Variants in COL4A3 observed in about 807,000 individuals in gnomAD.
COL4A3 encodes the protein collagen type IV alpha 3 chain, also known as collagen alpha-3(IV) chain.
A neutral mutation model predicts 217.4 loss-of-function variants in COL4A3; 135 were observed. The observed-to-expected ratio is 0.62, with a 90% CI of 0.54 to 0.72. COL4A3 has a LOEUF of 0.72. Among genes scored for constraint, COL4A3 ranks in the 30% least tolerant of loss-of-function variants. The probability of loss-of-function intolerance (pLI) is 0.00; values close to 1 mark genes in which losing one functional copy is unlikely to be tolerated. For synonymous variants in COL4A3, 690 were observed against 736.3 expected (o/e 0.94, Z 1.02); for missense variants, 1,868 against 2,119.9 (o/e 0.88, Z 2.33).
intron 21 of COL4A3, among the ~76,000 whole-genome samples, chr2:227,265,694 T>C (rs549726830): frequency 6.6e-6 from 1 of 152,286 alleles, no homozygotes; most frequent in East Asian, 1.9e-4. Flanking sequence ...ATCAGGAAAA[T>C]ACAATGTATC....
chr2:227,303,591 C>T (rs1190268723), intron 44 of COL4A3, among the ~76,000 whole-genome samples: 1 of 152,178 alleles, frequency 6.6e-6, no homozygotes, highest in Non-Finnish European at 1.5e-5. Flanking sequence ...CTTAGGGACC[C>T]TTCCCCTTCA....
chr2:227,276,409 C>G lies in COL4A3; in HGVS notation c.1952C>G (p.Ser651Ter), dbSNP rs1042357811. Residue 651 changes from serine to a stop codon, truncating the protein, a stop_gained, in exon 27 of 52, where the codon TCA becomes TGA. Transcript: ENST00000396578. LOFTEE classifies it high-confidence loss of function. ...EAGPRGELSV[S>*]TPVPGPPGPP... ...GGCCCTAGGGGAGAGCTCAGTGTTT[C>G]AACACCAGTTCCAGGCCCACCAGGA... is the stretch of plus-strand genomic sequence containing the variant. 1 of 1,614,026 alleles carries G rather than the reference C, an allele frequency of 6.2e-7. No homozygotes were observed. Among genetic ancestry groups the G allele is most frequent in the African/African-American group, 1.3e-5 (1 of 74,922 alleles).
Position 227,273,112 on chromosome 2 carries a change from A to C in COL4A3, c.1922A>C (p.Glu641Ala). 6.2e-7 allele frequency: 1 copy of C among 1,613,498 alleles called. No individual in the cohort carries two copies. The highest frequency in any genetic ancestry group is 8.5e-7 in the Non-Finnish European group (1 of 1,180,014). The change falls in exon 26 of 52, where the codon GAA (glutamate) becomes GCA (alanine). Residue 641 changes from glutamate to alanine, a missense_variant. Around this residue, in one of 2 missense-constraint regions of COL4A3, gnomAD observed 1,503 missense variants for 1,786.1 expected, o/e 0.84. Coordinates refer to ENST00000396578, the MANE Select transcript of COL4A3 (RefSeq NM_000091.5). ...GVPGAPGPPGEAGPRGELSVS... is the reference protein window; with the variant it reads ...GVPGAPGPPGAAGPRGELSVS... ...CCTGGAGCCCCCGGACCACCCGGAGAAGCCGGTTGGTTAGTTTTCTTTCCA... is the reference window on the plus strand; with the variant it reads ...CCTGGAGCCCCCGGACCACCCGGAGCAGCCGGTTGGTTAGTTTTCTTTCCA...
chr2:227,257,491 T>C, intron 17 of COL4A3, 112 bp from the exon 18 acceptor site: 1 of 889,410 alleles, frequency 1.1e-6, no homozygotes, highest in Non-Finnish European at 1.9e-6. Flanking sequence ...ATTTGGTTTG[T>C]ACATGACATC....
intron 47 of COL4A3, among the ~76,000 whole-genome samples, 164 bp downstream of exon 47, chr2:227,305,247 A>G (rs1251067290): frequency 6.6e-6 from 1 of 152,224 alleles, no homozygotes; most frequent in African/African-American, 2.4e-5. Flanking sequence ...ATGAGAATCA[A>G]GAATTATTGG....
In COL4A3 at chr2:227,297,755, G is replaced by C. The variant is rs1283786496; in HGVS notation, c.3647G>C (p.Gly1216Ala). Reference sequence around the variant, plus strand: ...GCCATGGGAGATGCTGGACCTCGAGGACCCACAGGCATAGAAGGATTCCCA... The same window carrying C: ...GCCATGGGAGATGCTGGACCTCGAGCACCCACAGGCATAGAAGGATTCCCA... ...KGAMGDAGPRGPTGIEGFPGP... is the reference protein window; with the variant it reads ...KGAMGDAGPRAPTGIEGFPGP... Residue 1216 changes from glycine (G) to alanine (A), a missense_variant, in exon 42 of 52, where the codon GGA (glycine) becomes GCA (alanine). This residue lies in a region of COL4A3 where 1,503 missense variants were observed against 1,786.1 expected (regional missense o/e 0.84). Coordinates refer to ENST00000396578, the MANE Select transcript of COL4A3 (RefSeq NM_000091.5). 2.5e-6 allele frequency: 4 copies of C among 1,600,984 alleles called. No individual in the cohort carries two copies. The highest frequency in any genetic ancestry group is 1.3e-5 in the African/African-American group (1 of 74,932).
rs748337280 is a variant in COL4A3 at position 227,270,993 on chromosome 2, C to T, written c.1758+41C>T. On this transcript the variant is annotated intron_variant, in intron 25 of 51. Coordinates refer to ENST00000396578, the MANE Select transcript of COL4A3 (RefSeq NM_000091.5). ...CTTTACCCTCCCTATAAATGAAGTA[C>T]TCTGAAGTTAAGAGATAAAGTGATT... 4.4e-6 allele frequency: 7 copies of T among 1,595,922 alleles called. No individual in the cohort carries two copies. In the African/African-American group the frequency reaches 9.4e-5, roughly 21 times the overall value.
intron 3 of COL4A3, among the ~76,000 whole-genome samples, chr2:227,243,424 A>C (rs1232092586): frequency 1.3e-5 from 2 of 152,226 alleles, no homozygotes; most frequent in Admixed American, 1.3e-4. Flanking sequence ...TTACAATGAG[A>C]AAGTAAAACC....
chr2:227,286,337 C>T (rs769885598), intron 34 of COL4A3, among the ~76,000 whole-genome samples: 1 of 95,230 alleles, frequency 1.1e-5, no homozygotes, highest in Non-Finnish European at 2.0e-5. Flanking sequence ...ACTAAATATA[C>T]AAAAATTAGC....
rs1357573672 is a variant in COL4A3 at position 227,191,683 on chromosome 2, T to G, written c.87+26870T>G. ...CATTATGGCCTGCAAGAAACTTTAT[T>G]CTAATAAAAGACAACTGTGTTTACA... On this transcript the variant is annotated intron_variant, in intron 1 of 51. Transcript: ENST00000396578. The surrounding 1 kb of genome is among the most constrained non-coding windows in gnomAD (Gnocchi z 6.8). Among the ~76,000 whole-genome samples the G allele has an allele frequency of 1.3e-5, 2 of 152,226 alleles. No individual in the cohort carries two copies. Among genetic ancestry groups the G allele is most frequent in the East Asian group, 3.9e-4 (2 of 5,194 alleles).
chr2:227,245,706 T>C (rs978932205), intron 5 of COL4A3: 23 of 555,664 alleles, frequency 4.1e-5, no homozygotes, highest in Non-Finnish European at 7.1e-5. Flanking sequence ...GACTCTTTTA[T>C]TTTATGGATA....
rs1553766404 is a variant in COL4A3, at chr2:227,309,077, G to A, written c.4640+1G>A. ...GAGCCCTTGAGCCTTATATAAGCAGGTAAAAATCCAATCCCCTAGTTTTAC... is the reference window on the plus strand; with the variant it reads ...GAGCCCTTGAGCCTTATATAAGCAGATAAAAATCCAATCCCCTAGTTTTAC... On this transcript the variant is annotated splice_donor_variant, in intron 49 of 51. Transcript: ENST00000396578. LOFTEE classifies it high-confidence loss of function. 1.2e-6 allele frequency: 2 copies of A among 1,614,164 alleles called. No homozygotes were observed. Among genetic ancestry groups the A allele is most frequent in the East Asian group, 2.2e-5 (1 of 44,882 alleles).
At chr2:227,206,467 C>A (rs1482296262) in intron 1 of COL4A3, among the ~76,000 whole-genome samples, 1 of 152,120 alleles carries the variant, frequency 6.6e-6, no homozygotes, top group Non-Finnish European at 1.5e-5. Context: ...TTTTGATAGG[C>A]TCAGGTGGGA....
At chr2:227,304,384 T>G (rs2073417457) in intron 46 of COL4A3, 1 of 474,830 alleles carries the variant, frequency 2.1e-6, no homozygotes, top group South Asian at 2.3e-5. Context: ...GGGCAGCATG[T>G]TTTTTTTATT....
chr2:227,240,306 A>G, intron 3 of COL4A3, 74 bp downstream of exon 3: 1 of 1,388,992 alleles, frequency 7.2e-7, no homozygotes, highest in Non-Finnish European at 1.0e-6. Flanking sequence ...GGCTGCTGCA[A>G]ACCTGGAGAG....
Position 227,255,904 on chromosome 2 carries a change from T to C in COL4A3, c.889-122T>C, listed in dbSNP as rs112006850. Reference sequence around the variant, plus strand: ...TTTCCTTCTAACACCTGGGTGAAGATCTTTACTCAGGCTTTTCATGCCTGA... The same window carrying C: ...TTTCCTTCTAACACCTGGGTGAAGACCTTTACTCAGGCTTTTCATGCCTGA... On this transcript the variant is annotated intron_variant, in intron 15 of 51. Transcript: ENST00000396578. The C allele has an allele frequency of 5.6e-3, 5,306 of 949,770 alleles. 92 individuals are homozygous for C. The highest frequency in any genetic ancestry group is 3.1e-3 in the Non-Finnish European group (1,870 of 599,226). The allele number at this position is 949,770 out of a possible 1,614,324, so 58.8% of individuals were successfully genotyped here. A position where few individuals can be genotyped will look rare whatever the true frequency, so the allele number is the denominator to read the frequency against.
rs1020428745 is a variant in COL4A3, at chr2:227,314,684, T to G, written c.*2814T>G. The G allele has an allele frequency of 2.6e-5, 4 of 151,586 alleles. No homozygotes were observed. Among genetic ancestry groups the G allele is most frequent in the Non-Finnish European group, 5.9e-5 (4 of 67,964 alleles). 9.4% of individuals were successfully genotyped at this position (151,586 alleles called of 1,614,324 possible). A position where few individuals can be genotyped will look rare whatever the true frequency, so the allele number is the denominator to read the frequency against. On this transcript the variant is annotated 3_prime_UTR_variant, in exon 52 of 52. Coordinates refer to ENST00000396578, the MANE Select transcript of COL4A3 (RefSeq NM_000091.5). Reference sequence around the variant, plus strand: ...TTAAAATATATTGAATATTTTATATTGTTATATCCTGACAAGATTATAATA... The same window carrying G: ...TTAAAATATATTGAATATTTTATATGGTTATATCCTGACAAGATTATAATA...
chr2:227,248,671 T>C (rs2069509550), intron 9 of COL4A3, 151 bp downstream of exon 9: 1 of 620,734 alleles, frequency 1.6e-6, no homozygotes. Context: ...TTATTCTATT[T>C]ACATGTCTGG....
chr2:227,212,272 A>C (rs1030819239), intron 1 of COL4A3, among the ~76,000 whole-genome samples: 1 of 151,956 alleles, frequency 6.6e-6, no homozygotes, highest in Non-Finnish European at 1.5e-5. Flanking sequence ...CAAATTCTTA[A>C]ATTTTAATAT....
Sources: gnomAD v4.1 joint callset for allele counts (sites outside exome capture counted in the v4.1 genomes callset) on GRCh38, gnomAD v4.1.1 for gene constraint, gnomAD v4.1.1 regional missense constraint, Gnocchi (gnomAD v3.1) non-coding constraint, MANE v1.5 for transcripts, NCBI Gene and HGNC (gene_info 2026-07-23, HGNC 2026-07-21) for gene names.